SMIM27: variants seen among roughly 807,000 people sequenced by gnomAD.
SMIM27 encodes TOPORS antisense RNA 1 (non-protein coding).
Under a neutral mutation model 1.8 loss-of-function variants are expected in SMIM27, and 3 were observed. That is an observed-to-expected ratio of 1.65 (90% confidence interval 0.75 to 4.28). The LOEUF is 4.28. SMIM27 is among the 30% of genes most tolerant of loss of function. SMIM27 has a pLI of 0.02. For missense variants in SMIM27, 63 were observed against 37.0 expected (o/e 1.70, Z -1.83); for synonymous variants, 19 against 13.9 (o/e 1.37, Z -0.82).
At chr9:32,566,382 G>C in intron 1 of SMIM27, 1 of 1,073,244 alleles carries the variant, frequency 9.3e-7, no homozygotes, top group Non-Finnish European at 1.5e-6. Flanking sequence ...TTTCCACTAT[G>C]TGATCCAGGT....
upstream of SMIM27, chr9:32,551,210 C>T: frequency 1.7e-6 from 1 of 602,630 alleles, no homozygotes; most frequent in South Asian, 1.9e-5. Flanking sequence ...TACTCAGCCA[C>T]TGGGGACACT....
chr9:32,554,062 C>T (rs1470858997), downstream of SMIM27: 1 of 603,086 alleles, frequency 1.7e-6, no homozygotes, highest in African/African-American at 1.9e-5. Context: ...CTGGCATTCC[C>T]TTTAAAAGGA....
At chr9:32,551,376 C>T (rs1257020933), upstream of SMIM27, 2 of 338,554 alleles carry the variant, frequency 5.9e-6, no homozygotes, top group South Asian at 2.4e-5. Flanking sequence ...TCCTGTTGTA[C>T]GCCTCCCGGA....
chr9:32,551,533 T>C, upstream of SMIM27: 1 of 250,398 alleles, frequency 4.0e-6, no homozygotes, highest in Non-Finnish European at 8.4e-6. Context: ...AGACCACGTT[T>C]TTCTCCGCTC....
chr9:32,564,882 A>G (rs1563995608), intron 1 of SMIM27, among the ~76,000 whole-genome samples: 1 of 152,242 alleles, frequency 6.6e-6, no homozygotes, highest in East Asian at 1.9e-4. Context: ...TTGAATCATG[A>G]AATTAACGAT....
exon 2 of SMIM27, chr9:32,566,430 G>T: frequency 1.2e-6 from 1 of 845,820 alleles, no homozygotes; most frequent in Non-Finnish European, 2.1e-6. Context: ...CCCTGTTACT[G>T]TAGGGGTTGA....
downstream of SMIM27, chr9:32,553,076 AG>A: frequency 1.9e-6 from 1 of 517,110 alleles, no homozygotes; most frequent in Non-Finnish European, 3.4e-6. Context: ...TAGAGATTTT[AG>A]TATTTTACAT....
downstream of SMIM27, among the ~76,000 whole-genome samples, chr9:32,555,477 A>G (rs1161891932): frequency 6.6e-6 from 1 of 152,370 alleles, no homozygotes; most frequent in East Asian, 1.9e-4. Context: ...CAGATGCATA[A>G]GGACAAAGAA....
At chr9:32,564,543 T>C (rs2119021635) in intron 1 of SMIM27, among the ~76,000 whole-genome samples, 1 of 152,146 alleles carries the variant, frequency 6.6e-6, no homozygotes, top group East Asian at 1.9e-4. Context: ...TAACATGTCA[T>C]TAAATAAATG....
At position 32,552,781 on chromosome 9, in the gene SMIM27, C is replaced by T. The variant is rs1003096963; in HGVS notation, c.46-20C>T. 4 of 699,276 alleles carry T rather than the reference C, an allele frequency of 5.7e-6. No homozygotes were observed. Among genetic ancestry groups the T allele is most frequent in the Admixed American group, 2.0e-5 (1 of 49,154 alleles). The allele number at this position is 699,276 out of a possible 1,614,324, so 43.3% of individuals were successfully genotyped here. A position where few individuals can be genotyped will look rare whatever the true frequency, so the allele number is the denominator to read the frequency against. ...AAATATCAGGTAGATTTCACACCTC[C>T]TTTGCGATTTTTGGTTTAGTTGCTG... On this transcript the variant is annotated intron_variant, in intron 1 of 1. Transcript: ENST00000692500.
chr9:32,558,905 C>T (rs750542762), intron 1 of SMIM27: 1 of 1,567,634 alleles, frequency 6.4e-7, no homozygotes, highest in East Asian at 2.2e-5. Context: ...AGTGTTAAGA[C>T]TTACAGGGAA....
chr9:32,552,274 C>A (rs766186161), upstream of SMIM27: 286 of 1,016,568 alleles, frequency 2.8e-4, no homozygotes, highest in Admixed American at 5.0e-4. Flanking sequence ...CCCCCCAACT[C>A]CGGGCGGAAG....
intron 1 of SMIM27, among the ~76,000 whole-genome samples, chr9:32,558,634 CA>C (rs1481125585): frequency 6.6e-6 from 1 of 152,212 alleles, no homozygotes; most frequent in East Asian, 1.9e-4. Flanking sequence ...TTGGTACTTT[CA>C]ACTCCCTTTA....
At chr9:32,566,221 C>A (rs1272955594) in intron 1 of SMIM27, 1 of 856,770 alleles carries the variant, frequency 1.2e-6, no homozygotes, top group South Asian at 1.4e-5. Flanking sequence ...CAGGTCATAG[C>A]TGGTTTTGTG....
chr9:32,555,789 A>G (rs769877923), downstream of SMIM27, among the ~76,000 whole-genome samples: 5 of 152,250 alleles, frequency 3.3e-5, no homozygotes, highest in Non-Finnish European at 7.3e-5. Context: ...AATGAAAAGA[A>G]CAAACCCCCT....
downstream of SMIM27, among the ~76,000 whole-genome samples, chr9:32,556,907 A>C (rs1821474240): frequency 7.7e-6 from 1 of 130,454 alleles, no homozygotes; most frequent in African/African-American, 3.0e-5. Flanking sequence ...GCTGGAGTGC[A>C]GTGGCGCAAT....
chr9:32,560,676 T>C lies in SMIM27; in HGVS notation c.46-5715T>C, dbSNP rs145366915. Among the ~76,000 whole-genome samples the C allele has an allele frequency of 3.0e-3, 457 of 152,292 alleles. 1 individual carries two copies. Among genetic ancestry groups the C allele is most frequent in the Non-Finnish European group, 5.2e-3 (351 of 68,004 alleles). On this transcript the variant is annotated intron_variant, in intron 1 of 1. Coordinates refer to the SMIM27 transcript ENST00000451672. ...ACCATATAAATACTTCGAAATAAAA[T>C]TGAACACACAAAATGTATAAATACA...
intron 1 of SMIM27, chr9:32,558,854 GA>G: frequency 2.4e-6 from 3 of 1,239,410 alleles, no homozygotes; most frequent in African/African-American, 1.5e-5. Flanking sequence ...GGAAAGGGAG[GA>G]AAAGGAAAGA....
chr9:32,552,627 A>G (rs886063856), intron 1 of SMIM27, 148 bp downstream of exon 1: 38 of 722,462 alleles, frequency 5.3e-5, no homozygotes, highest in Non-Finnish European at 8.5e-5. Context: ...CTCTTCCTGG[A>G]GGATACGATC....
Sources: allele counts gnomAD v4.1 joint callset (sites outside exome capture counted in the v4.1 genomes callset), GRCh38; gene constraint gnomAD v4.1.1; transcripts MANE v1.5; gene names NCBI Gene and HGNC (gene_info 2026-07-23, HGNC 2026-07-21).